The following HLA-F variants were observed in gnomAD, a reference collection of about 807,000 sequenced individuals.
The protein encoded by HLA-F is HLA class I histocompatibility antigen, alpha chain F.
In HLA-F, 46 loss-of-function variants were observed where a neutral mutation model predicts 49.5. The ratio of observed to expected loss-of-function variants is 0.93; its 90% CI spans 0.73 to 1.19. The LOEUF is 1.19. HLA-F is among the 50% of genes most tolerant of loss of function. The pLI is 0.00. For synonymous variants in HLA-F, 203 were observed against 233.5 expected, an observed-to-expected ratio of 0.87 and a Z score of 1.19; for missense variants, 496 against 579.6, an observed-to-expected ratio of 0.86 and a Z score of 1.48.
At position 29,725,275 on chromosome 6, in the gene HLA-F, G is replaced by A. The variant is rs1269123414; in HGVS notation, c.855G>A (p.Glu285=). The change falls in exon 4 of 7, where the codon GAG becomes GAA. Residue 285 remains glutamate (E), a synonymous_variant. Transcript: ENST00000259951. The part of the protein sequence containing the change: ...EQRYTCHVQH[E]GLPQPLILRW... Reference sequence around the variant, plus strand: ...GATACACATGCCATGTGCAGCACGAGGGGCTGCCCCAGCCCCTCATCCTGA... The same window carrying A: ...GATACACATGCCATGTGCAGCACGAAGGGCTGCCCCAGCCCCTCATCCTGA... The A allele has an allele frequency of 3.7e-6, 6 of 1,614,208 alleles. No homozygotes were observed. In the South Asian group the frequency reaches 5.5e-5, roughly 15 times the overall value.
At chr6:29,732,839 A>T (rs925426829) in intron 3 of HLA-F, among the ~76,000 whole-genome samples, 18 of 152,228 alleles carry the variant, frequency 1.2e-4, no homozygotes, top group Admixed American at 3.3e-4. Flanking sequence ...ATAACCCATG[A>T]CATATGAATG....
intron 3 of HLA-F, 59 bp from the exon 4 acceptor site, chr6:29,724,972 G>A (rs957005465): frequency 1.8e-5 from 28 of 1,575,286 alleles, no homozygotes; most frequent in Non-Finnish European, 2.2e-5. Flanking sequence ...GGTCACATGG[G>A]TGCTGCTGGG....
intron 3 of HLA-F, among the ~76,000 whole-genome samples, chr6:29,732,861 A>C (rs1327072427): frequency 2.6e-5 from 4 of 151,606 alleles, no homozygotes; most frequent in Admixed American, 1.3e-4. Flanking sequence ...AACCTTGTAC[A>C]ATAAAGATAC....
At chr6:29,728,828 C>A (rs991588690), downstream of HLA-F, 3 of 152,068 alleles carry the variant, frequency 2.0e-5, no homozygotes, top group African/African-American at 7.2e-5. Context: ...CAGCAGAAAC[C>A]CCTACATCAT....
chr6:29,729,975 T>C (rs1776430109), downstream of HLA-F, among the ~76,000 whole-genome samples: 1 of 152,156 alleles, frequency 6.6e-6, no homozygotes, highest in Non-Finnish European at 1.5e-5. Flanking sequence ...GAGTGTACAG[T>C]GGTACAGCGA....
chr6:29,724,101 C>T, intron 2 of HLA-F, 72 bp from the exon 3 acceptor site: 2 of 1,584,870 alleles, frequency 1.3e-6, no homozygotes, highest in African/African-American at 2.7e-5. Flanking sequence ...TCAGTTTAGG[C>T]CAAAATCCCC....
At chr6:29,727,809 C>T, downstream of HLA-F, 1 of 399,272 alleles carries the variant, frequency 2.5e-6, no homozygotes, top group South Asian at 1.9e-5. Flanking sequence ...CTCCCCATTC[C>T]TCACGAGCTT....
At chr6:29,725,423 C>T in intron 4 of HLA-F, 24 bp from the exon 5 acceptor site, 1 of 1,611,534 alleles carries the variant, frequency 6.2e-7, no homozygotes, top group Non-Finnish European at 8.5e-7. Flanking sequence ...GATCAGGGCC[C>T]CTCACCTTCC....
chr6:29,725,610 G>A, intron 5 of HLA-F, 47 bp downstream of exon 5: 2 of 1,518,398 alleles, frequency 1.3e-6, no homozygotes, highest in Non-Finnish European at 1.8e-6. Context: ...GTCCCACTGG[G>A]GGTTGCAAGC....
At chr6:29,723,585 G>T in intron 1 of HLA-F, 58 bp downstream of exon 1, 2 of 1,597,010 alleles carry the variant, frequency 1.3e-6, no homozygotes, top group South Asian at 2.2e-5. Flanking sequence ...GGGCCCGCCC[G>T]GTGGGGGCGC....
Position 29,724,227 on chromosome 6 carries a change from T to TC in HLA-F, c.391dup (p.Leu131ProfsTer39). The TC allele has an allele frequency of 1.9e-6, 3 of 1,613,124 alleles. No homozygotes were observed. Among genetic ancestry groups the TC allele is most frequent in the Non-Finnish European group, 2.5e-6 (3 of 1,180,016 alleles). On this transcript the variant is annotated frameshift_variant, in exon 3 of 7. Coordinates refer to ENST00000259951, the MANE Select transcript of HLA-F (RefSeq NM_001098479.2). LOFTEE classifies it high-confidence loss of function. ...TGCGACATGGGGCCCGACGGACGCC[T>TC]CCTCCGCGGGTATCACCAGCACGCG...
intron 3 of HLA-F, among the ~76,000 whole-genome samples, chr6:29,734,656 C>A (rs1327397015): frequency 6.6e-6 from 1 of 152,126 alleles, no homozygotes; most frequent in African/African-American, 2.4e-5. Context: ...TACTGTGATA[C>A]AATATACATG....
At chr6:29,737,715 G>T (rs1777240665) in intron 3 of HLA-F, 1 of 152,194 alleles carries the variant, frequency 6.6e-6, no homozygotes, top group South Asian at 2.1e-4. Flanking sequence ...TGTGACATAT[G>T]GTTCTTGTTC....
At position 29,725,186 on chromosome 6, in the gene HLA-F, C is replaced by A. The variant is rs201806950; in HGVS notation, c.766C>A (p.Pro256Thr). ...TQDTELVETR[P>T]AGDGTFQKWA... ...GGACACAGAGCTTGTGGAGACCAGG[C>A]CTGCAGGGGATGGAACCTTCCAGAA... The change falls in exon 4 of 7, where the codon CCT becomes ACT. Residue 256 changes from proline to threonine, a missense_variant. Pro to Thr is a conservative substitution (Grantham distance 38, BLOSUM62 -1). Transcript: ENST00000259951. The A allele has an allele frequency of 4.8e-5, 78 of 1,613,990 alleles. No individual in the cohort carries two copies. Among genetic ancestry groups the A allele is most frequent in the Non-Finnish European group, 4.6e-5 (54 of 1,180,052 alleles).
At chr6:29,731,061 T>C (rs1776537792), downstream of HLA-F, among the ~76,000 whole-genome samples, 1 of 152,120 alleles carries the variant, frequency 6.6e-6, no homozygotes, top group Non-Finnish European at 1.5e-5. Context: ...CCCAGTTACC[T>C]TTTCTGAAAT....
At chr6:29,734,680 C>T (rs1480429290) in intron 3 of HLA-F, among the ~76,000 whole-genome samples, 1 of 152,116 alleles carries the variant, frequency 6.6e-6, no homozygotes, top group Non-Finnish European at 1.5e-5. Context: ...ACAAAATTTA[C>T]CACTGTACCC....
intron 3 of HLA-F, chr6:29,736,620 C>T (rs182116036): frequency 1.5e-5 from 5 of 331,270 alleles, no homozygotes; most frequent in South Asian, 1.2e-4. Flanking sequence ...CCAGGAAACA[C>T]CATTGGGTTC....
chr6:29,725,432 C>A lies in HLA-F; in HGVS notation c.887-15C>A, dbSNP rs780067853. On this transcript the variant is annotated splice_polypyrimidine_tract_variant and intron_variant, in intron 4 of 6. Transcript: ENST00000259951. ...CCTGGAGATCAGGGCCCCTCACCTT[C>A]CCTTCCTTTCCCAGAGCAGTCTCCC... 28 of 1,612,688 alleles carry A rather than the reference C, an allele frequency of 1.7e-5. No individual in the cohort carries two copies. The Middle Eastern group carries it at 1.5e-3, about 86-fold the overall frequency.
rs756735878 is a variant in HLA-F, at chr6:29,727,108, G to T, written c.1262G>T (p.Gly421Val). 3 of 1,611,554 alleles carry T rather than the reference G, an allele frequency of 1.9e-6. No homozygotes were observed. The highest frequency in any genetic ancestry group is 2.5e-6 in the Non-Finnish European group (3 of 1,179,710). Residue 421 changes from glycine (G) to valine (V), a missense_variant, in exon 7 of 7, where the codon GGC becomes GTC. Physicochemically the swap from Gly to Val is moderately radical, Grantham distance 109. Transcript: ENST00000259951. ...CGCTTTGGCTTCGGCTTTAGGAGGGGCAGGAGCTTCCTTCTTCGTTCTTGG... is the reference window on the plus strand; with the variant it reads ...CGCTTTGGCTTCGGCTTTAGGAGGGTCAGGAGCTTCCTTCTTCGTTCTTGG... ...SLRFGFGFRR[G>V]RSFLLRSWHH...
Sources: gnomAD v4.1 joint callset for allele counts (sites outside exome capture counted in the v4.1 genomes callset) on GRCh38, gnomAD v4.1.1 for gene constraint, MANE v1.5 for transcripts, NCBI Gene and HGNC (gene_info 2026-07-23, HGNC 2026-07-21) for gene names.